The following PARP8 variants were observed in gnomAD, a reference collection of about 807,000 sequenced individuals.
The protein encoded by PARP8 is protein mono-ADP-ribosyltransferase PARP8.
A neutral mutation model predicts 124.1 loss-of-function variants in PARP8; 51 were observed. That is an observed-to-expected ratio of 0.41 (90% confidence interval 0.33 to 0.52). PARP8 has a LOEUF of 0.52. PARP8 is among the 20% of genes least tolerant of loss of function. The pLI, the probability that PARP8 is intolerant of heterozygous loss-of-function variation, is 0.21. For missense variants in PARP8, 860 were observed against 1,018.9 expected, an observed-to-expected ratio of 0.84 and a Z score of 2.12; for synonymous variants, 391 against 361.5, an observed-to-expected ratio of 1.08 and a Z score of -0.93.
At chr5:50,765,887 A>G (rs1160081322) in intron 7 of PARP8, among the ~76,000 whole-genome samples, 2 of 152,222 alleles carry the variant, frequency 1.3e-5, no homozygotes, top group Admixed American at 1.3e-4. Flanking sequence ...AGACTGTTCT[A>G]ATTAGCTGTT....
At chr5:50,738,980 C>A (rs1371758663) in intron 2 of PARP8, 1 of 702,498 alleles carries the variant, frequency 1.4e-6, no homozygotes, top group Admixed American at 2.0e-5. Flanking sequence ...CTGTATCAAG[C>A]ACATTCCTAG....
chr5:50,834,901 G>C (rs1276827731), intron 24 of PARP8, 30 bp from the exon 25 acceptor site: 11 of 1,560,606 alleles, frequency 7.0e-6, no homozygotes, highest in Non-Finnish European at 9.7e-6. Flanking sequence ...AGAATAAAGT[G>C]GTTCTTTAAT....
chr5:50,728,780 G>A (rs1756684786), intron 2 of PARP8, among the ~76,000 whole-genome samples: 1 of 152,030 alleles, frequency 6.6e-6, no homozygotes, highest in Admixed American at 6.6e-5. Flanking sequence ...AGTTTAAAAT[G>A]TTGCATAATG....
chr5:50,739,073 G>C (rs1171538092), intron 2 of PARP8: 2 of 702,486 alleles, frequency 2.8e-6, no homozygotes, highest in Non-Finnish European at 5.2e-6. Context: ...GGAGGAGCAA[G>C]AGACTTCCCA....
chr5:50,716,789 A>G (rs1755363688), intron 2 of PARP8, among the ~76,000 whole-genome samples: 1 of 152,136 alleles, frequency 6.6e-6, no homozygotes, highest in Non-Finnish European at 1.5e-5. Flanking sequence ...GCTAATGCCT[A>G]CATAACATTA....
At chr5:50,707,909 A>G (rs751229553) in intron 2 of PARP8, among the ~76,000 whole-genome samples, 1 of 152,026 alleles carries the variant, frequency 6.6e-6, no homozygotes, top group Non-Finnish European at 1.5e-5. Flanking sequence ...ATTATTGAGT[A>G]TTTATCTTTC....
intron 2 of PARP8, among the ~76,000 whole-genome samples, chr5:50,675,006 A>G (rs1415400217): frequency 6.6e-6 from 1 of 152,254 alleles, no homozygotes; most frequent in Non-Finnish European, 1.5e-5. Flanking sequence ...CACAATGACA[A>G]AAGTCTTGAA....
chr5:50,706,656 A>G (rs543489278), intron 2 of PARP8, among the ~76,000 whole-genome samples: 1 of 152,200 alleles, frequency 6.6e-6, no homozygotes, highest in African/African-American at 2.4e-5. Flanking sequence ...TTGAGTAGTT[A>G]TGTAGTCTTT....
chr5:50,697,222 C>G (rs956154257), intron 2 of PARP8, among the ~76,000 whole-genome samples: 1 of 152,126 alleles, frequency 6.6e-6, no homozygotes, highest in Admixed American at 6.5e-5. Flanking sequence ...TGCCACAGCA[C>G]TCCAATCTGG....
chr5:50,736,296 T>G (rs563402984), intron 2 of PARP8, among the ~76,000 whole-genome samples: 1 of 152,290 alleles, frequency 6.6e-6, no homozygotes, highest in South Asian at 2.1e-4. Flanking sequence ...GAGATGGGGT[T>G]ATAGCCTCAT....
rs768093898 is a variant in PARP8 at position 50,844,849 on chromosome 5, AAG to A, written c.*2782_*2783del. 2 of 151,766 alleles carry A rather than the reference AAG, an allele frequency of 1.3e-5. No homozygotes were observed. The highest frequency in any genetic ancestry group is 3.0e-5 in the Non-Finnish European group (2 of 67,776). 9.4% of individuals were successfully genotyped at this position (151,766 alleles called of 1,614,324 possible). A position where few individuals can be genotyped will look rare whatever the true frequency, so the allele number is the denominator to read the frequency against. ...AAAATGAACATTTGAGAATGGAAAA[AAG>A]TAATAATATACAAATAATCTAGTGC... On this transcript the variant is annotated 3_prime_UTR_variant, in exon 26 of 26. Coordinates refer to ENST00000281631, the MANE Select transcript of PARP8 (RefSeq NM_024615.4).
chr5:50,695,092 C>A (rs1200699373), intron 2 of PARP8, among the ~76,000 whole-genome samples: 1 of 152,172 alleles, frequency 6.6e-6, no homozygotes, highest in African/African-American at 2.4e-5. Context: ...ATGTTCATCT[C>A]CTTTGGCAAC....
chr5:50,714,635 T>C (rs969096557), intron 2 of PARP8, among the ~76,000 whole-genome samples: 2 of 152,068 alleles, frequency 1.3e-5, no homozygotes, highest in African/African-American at 4.8e-5. Flanking sequence ...TTCTGGGGGA[T>C]TAAGTTATTG....
chr5:50,754,541 C>T (rs1759694030), intron 3 of PARP8, among the ~76,000 whole-genome samples: 1 of 152,038 alleles, frequency 6.6e-6, no homozygotes, highest in Admixed American at 6.6e-5. Context: ...GCATGGTATT[C>T]CATGGTGTAT....
At chr5:50,694,280 G>C (rs896936059) in intron 2 of PARP8, among the ~76,000 whole-genome samples, 1 of 152,156 alleles carries the variant, frequency 6.6e-6, no homozygotes, top group Admixed American at 6.6e-5. Flanking sequence ...TCATGACTTA[G>C]TGTGGGATAT....
intron 25 of PARP8, among the ~76,000 whole-genome samples, chr5:50,837,766 G>C (rs989705852): frequency 2.6e-5 from 4 of 151,428 alleles, no homozygotes; most frequent in African/African-American, 7.3e-5. Context: ...AAAAAAAATG[G>C]AAGTAAAAAT....
At chr5:50,711,914 C>T (rs563456521) in intron 2 of PARP8, among the ~76,000 whole-genome samples, 3 of 152,064 alleles carry the variant, frequency 2.0e-5, no homozygotes, top group East Asian at 1.9e-4. Flanking sequence ...AATCATAGGC[C>T]AGGCTATTTA....
At chr5:50,698,581 T>C (rs1753269895) in intron 2 of PARP8, among the ~76,000 whole-genome samples, 4 of 152,004 alleles carry the variant, frequency 2.6e-5, no homozygotes, top group Admixed American at 2.6e-4. Context: ...TGATACAATT[T>C]TTTCCCCCCA....
chr5:50,771,402 A>C (rs1432814105), intron 7 of PARP8, among the ~76,000 whole-genome samples: 2 of 152,048 alleles, frequency 1.3e-5, no homozygotes, highest in African/African-American at 4.8e-5. Context: ...CAAGTGATCC[A>C]CCCACCTCGG....
Sources: gnomAD v4.1 joint callset for allele counts (sites outside exome capture counted in the v4.1 genomes callset) on GRCh38, gnomAD v4.1.1 for gene constraint, MANE v1.5 for transcripts, NCBI Gene and HGNC (gene_info 2026-07-23, HGNC 2026-07-21) for gene names.